The following MCF2L variants were observed in gnomAD, a reference collection of about 807,000 sequenced individuals.
MCF2L encodes MCF.2 cell line derived transforming sequence like.
In MCF2L, 97 loss-of-function variants were observed where a neutral mutation model predicts 153.4. The ratio of observed to expected loss-of-function variants is 0.63; its 90% confidence interval spans 0.54 to 0.75. The LOEUF is 0.75. Among genes scored for constraint, MCF2L ranks in the 30% least tolerant of loss-of-function variants. MCF2L has a pLI of 0.00. For synonymous variants in MCF2L, 659 were observed against 632.2 expected (o/e 1.04, Z -0.64); for missense variants, 1,347 against 1,495.2 (o/e 0.90, Z 1.64).
chr13:113,001,976 CGGCGCAGGTGCGTGG>C (rs2083403950), intron 1 of MCF2L: 6 of 1,586,628 alleles, frequency 3.8e-6, no homozygotes, highest in Non-Finnish European at 5.1e-6. Flanking sequence ...TGCTGAAGGC[CGGCGCAGGTGCGTGG>C]GGCGCGGGCG....
At chr13:113,076,411 C>CATG in intron 12 of MCF2L, among the ~76,000 whole-genome samples, 1 of 152,062 alleles carries the variant, frequency 6.6e-6, no homozygotes. Flanking sequence ...ATTACAGGCG[C>CATG]CCACCACCAA....
At chr13:113,087,871 G>T in intron 23 of MCF2L, 72 bp downstream of exon 23, 1 of 1,323,784 alleles carries the variant, frequency 7.6e-7, no homozygotes, top group Non-Finnish European at 1.1e-6. Flanking sequence ...CCAGTGCAAG[G>T]ATCTGCCATG....
intron 1 of MCF2L, among the ~76,000 whole-genome samples, chr13:112,978,135 C>T (rs2082276641): frequency 6.6e-6 from 1 of 152,210 alleles, no homozygotes; most frequent in African/African-American, 2.4e-5. Flanking sequence ...GCGAAATGCG[C>T]CATCTGTTTC....
chr13:113,088,168 A>G (rs1404667465), intron 23 of MCF2L, among the ~76,000 whole-genome samples, 159 bp from the exon 24 acceptor site: 1 of 152,050 alleles, frequency 6.6e-6, no homozygotes, highest in Non-Finnish European at 1.5e-5. Flanking sequence ...GGGTCCCGCA[A>G]TGCGGGGCCA....
Position 112,941,102 on chromosome 13 carries a change from G to A in MCF2L, c.169+38731G>A, listed in dbSNP as rs185880690. The stretch of plus-strand genomic sequence containing the variant: ...GGAGCATATTTTTACCATCTTTTCC[G>A]CAGGGTCAGAGTGGCCATCGTGCTT... On this transcript the variant is annotated intron_variant, in intron 2 of 29. Coordinates refer to the MCF2L transcript ENST00000375608. The surrounding 1 kb of genome is among the most constrained non-coding windows in gnomAD (Gnocchi z 4.9). Among the ~76,000 whole-genome samples the A allele has an allele frequency of 9.2e-5, 14 of 152,232 alleles. No homozygotes were observed. The highest frequency in any genetic ancestry group is 1.5e-4 in the Non-Finnish European group (10 of 68,026).
At chr13:113,052,314 T>C (rs1021799320) in intron 4 of MCF2L, among the ~76,000 whole-genome samples, 2 of 152,208 alleles carry the variant, frequency 1.3e-5, no homozygotes, top group South Asian at 2.1e-4. Context: ...CGGGGGTCCC[T>C]GGGACCAGGT....
At chr13:113,066,272 A>G (rs1487912677) in intron 8 of MCF2L, 102 bp downstream of exon 8, 1 of 1,391,672 alleles carries the variant, frequency 7.2e-7, no homozygotes, top group Non-Finnish European at 9.5e-7. Flanking sequence ...GGAAATAGCA[A>G]GCAGCGTGGC....
chr13:112,908,025 T>C (rs2081189873), intron 2 of MCF2L, among the ~76,000 whole-genome samples: 3 of 152,224 alleles, frequency 2.0e-5, no homozygotes, highest in Non-Finnish European at 1.5e-5. Flanking sequence ...ACTTGGACTT[T>C]GTGTATTACT....
At chr13:112,963,250 C>T (rs1014014206) in intron 2 of MCF2L, among the ~76,000 whole-genome samples, 1 of 152,196 alleles carries the variant, frequency 6.6e-6, no homozygotes, top group African/African-American at 2.4e-5. Flanking sequence ...AGGCATGTCT[C>T]GTGGAATCTT....
chr13:112,990,776 G>C (rs2082866369), intron 1 of MCF2L, among the ~76,000 whole-genome samples: 1 of 152,220 alleles, frequency 6.6e-6, no homozygotes, highest in Non-Finnish European at 1.5e-5. Context: ...CTCTGTGCCA[G>C]GCCAGGCCAG....
chr13:112,913,207 CTGTA>C (rs752732656), intron 2 of MCF2L, among the ~76,000 whole-genome samples: 47 of 140,620 alleles, frequency 3.3e-4, no homozygotes, highest in South Asian at 6.9e-4. Context: ...TGGTGTATCT[CTGTA>C]TGTATGGGGT....
intron 2 of MCF2L, chr13:112,909,405 C>T: frequency 1.3e-6 from 1 of 742,020 alleles, no homozygotes; most frequent in Admixed American, 1.7e-5. Context: ...TCCCAAGGGG[C>T]TGTCTGCAGG....
In MCF2L at chr13:112,935,634, T is replaced by C. The variant is rs567674631; in HGVS notation, c.169+33263T>C. 2.0e-5 allele frequency among the ~76,000 whole-genome samples: 3 copies of C among 152,150 alleles called. No homozygotes were observed. In the South Asian group the frequency reaches 6.2e-4, roughly 32 times the overall value. On this transcript the variant is annotated intron_variant, in intron 2 of 29. Transcript: ENST00000375608. ...GCCTCACGTGAGTGTTCTGAGTGAG[T>C]TGAGATAGCTGGGCTGAGCTGTGAT...
chr13:112,980,120 G>T lies in MCF2L; in HGVS notation c.79+10662G>T, dbSNP rs552360148. 1.2e-4 allele frequency among the ~76,000 whole-genome samples: 19 copies of T among 152,298 alleles called. No individual in the cohort carries two copies. The South Asian group carries it at 3.9e-3, about 32-fold the overall frequency. On this transcript the variant is annotated intron_variant, in intron 1 of 29. Transcript: ENST00000535094. Reference sequence around the variant, plus strand: ...GTCTGTGGGCAGGTGGGTGTCCTTTGCATCACAAGAGGTGTGTTTTGGGTG... The same window carrying T: ...GTCTGTGGGCAGGTGGGTGTCCTTTTCATCACAAGAGGTGTGTTTTGGGTG...
chr13:112,943,711 C>T lies in MCF2L; in HGVS notation c.169+41340C>T, dbSNP rs1194079521. 3.3e-5 allele frequency among the ~76,000 whole-genome samples: 5 copies of T among 152,120 alleles called. No homozygotes were observed. The highest frequency in any genetic ancestry group is 9.7e-5 in the African/African-American group (4 of 41,432). On this transcript the variant is annotated intron_variant, in intron 2 of 29. Transcript: ENST00000375608. This position sits in a 1 kb window ranked among gnomAD's most constrained non-coding sequence, Gnocchi z 4.2. ...CAGTTCCCTCCTGGAGGGACCACAC[C>T]GCCGGGAGCCCGAGCAGCCTGCGGT... is the stretch of plus-strand genomic sequence containing the variant.
At chr13:113,094,670 G>T in intron 27 of MCF2L, 35 bp downstream of exon 27, 1 of 1,595,506 alleles carries the variant, frequency 6.3e-7, no homozygotes, top group Non-Finnish European at 8.5e-7. Context: ...CTTGGGGTGG[G>T]GGCTGCCCTC....
At position 113,076,050 on chromosome 13, in the gene MCF2L, GC is replaced by G. The variant is rs1421549384; in HGVS notation, c.1396del (p.Leu466SerfsTer59). Reference protein sequence around the residue: ...KCQSQDGAEAALQEIEKFLET... With the variant: ...KCQSQDGAEAXLQEIEKFLET... Reference sequence around the variant, plus strand: ...CCAGTCCCAGGACGGCGCGGAGGCTGCCCTCCAGGAAATCGAGAAGTTTTTG... The same window carrying G: ...CCAGTCCCAGGACGGCGCGGAGGCTGCCTCCAGGAAATCGAGAAGTTTTTG... On this transcript the variant is annotated frameshift_variant, in exon 12 of 30. Coordinates refer to ENST00000535094, the MANE Select transcript of MCF2L (RefSeq NM_001112732.3). LOFTEE classifies it high-confidence loss of function. The G allele has an allele frequency of 6.2e-7, 1 of 1,613,950 alleles. No homozygotes were observed. The highest frequency in any genetic ancestry group is 8.5e-7 in the Non-Finnish European group (1 of 1,179,998).
At chr13:113,082,616 G>A in intron 17 of MCF2L, 74 bp downstream of exon 17, 2 of 1,142,598 alleles carry the variant, frequency 1.8e-6, no homozygotes, top group Non-Finnish European at 2.6e-6. Flanking sequence ...CAGGGGGCTG[G>A]AATGGGGGTG....
chr13:112,905,087 C>T (rs776158415), intron 2 of MCF2L, among the ~76,000 whole-genome samples: 3 of 152,184 alleles, frequency 2.0e-5, no homozygotes, highest in Non-Finnish European at 4.4e-5. Context: ...TCCCATTCCC[C>T]CTGTTGGAAA....
Sources: gnomAD v4.1 joint callset for allele counts (sites outside exome capture counted in the v4.1 genomes callset) on GRCh38, gnomAD v4.1.1 for gene constraint, Gnocchi (gnomAD v3.1) non-coding constraint, MANE v1.5 for transcripts, NCBI Gene and HGNC (gene_info 2026-07-23, HGNC 2026-07-21) for gene names.